WNT8A: variants seen among roughly 807,000 people sequenced by gnomAD.
The protein encoded by WNT8A is protein Wnt-8a.
Under a neutral mutation model 20.5 loss-of-function variants are expected in WNT8A, and 14 were observed. That is an observed-to-expected ratio of 0.68 (90% CI 0.45 to 1.07). The LOEUF (loss-of-function observed/expected upper bound fraction) is 1.07. Ranked by LOEUF, WNT8A falls within the 50% of genes least tolerant of loss-of-function variation. WNT8A has a pLI of 0.00. For synonymous variants in WNT8A, 167 were observed against 169.2 expected, an observed-to-expected ratio of 0.99 and a Z score of 0.10; for missense variants, 397 against 462.9, an observed-to-expected ratio of 0.86 and a Z score of 1.31.
At chr5:138,088,517 C>T (rs913872400) in intron 3 of WNT8A, among the ~76,000 whole-genome samples, 2 of 152,160 alleles carry the variant, frequency 1.3e-5, no homozygotes, top group African/African-American at 2.4e-5. Context: ...CCACCACACT[C>T]GGCTAATTTT....
At chr5:138,077,476 T>C in the WNT8A span, among the ~76,000 whole-genome samples, 1 of 152,194 alleles carries the variant, frequency 6.6e-6, no homozygotes, top group African/African-American at 2.4e-5. Context: ...CTCATAAGTA[T>C]TGAGTATTGG....
the WNT8A span, among the ~76,000 whole-genome samples, chr5:138,078,594 C>G: frequency 6.6e-6 from 1 of 152,160 alleles, no homozygotes; most frequent in Non-Finnish European, 1.5e-5. Context: ...TCCTGGTTTG[C>G]TCAAAACCCT....
intron 2 of WNT8A, among the ~76,000 whole-genome samples, chr5:138,085,644 T>C (rs1223729705): frequency 6.6e-6 from 1 of 151,506 alleles, no homozygotes; most frequent in Non-Finnish European, 1.5e-5. Flanking sequence ...AGTTCAGGAG[T>C]TCGAGACCAG....
intron 2 of WNT8A, among the ~76,000 whole-genome samples, chr5:138,086,162 C>A (rs1037832643): frequency 6.6e-6 from 1 of 152,106 alleles, no homozygotes; most frequent in Non-Finnish European, 1.5e-5. Context: ...GGCAAGGTCC[C>A]GATCCCAACA....
upstream of WNT8A, among the ~76,000 whole-genome samples, chr5:138,079,978 T>C (rs954459981): frequency 6.6e-6 from 1 of 152,180 alleles, no homozygotes; most frequent in Non-Finnish European, 1.5e-5. Flanking sequence ...ATCCTCCAGG[T>C]ATCCATCTTA....
chr5:138,078,281 A>G, the WNT8A span, among the ~76,000 whole-genome samples: 1 of 152,244 alleles, frequency 6.6e-6, no homozygotes, highest in South Asian at 2.1e-4. Context: ...AAGAATATGC[A>G]TGGAGGCTCA....
At chr5:138,084,765 C>A (rs1744504845) in intron 2 of WNT8A, 129 bp downstream of exon 2, 4 of 1,257,620 alleles carry the variant, frequency 3.2e-6, no homozygotes, top group Non-Finnish European at 4.2e-6. Flanking sequence ...TGCTGACCTG[C>A]CATTTCCTTG....
At chr5:138,085,384 A>G (rs1054579593) in intron 2 of WNT8A, among the ~76,000 whole-genome samples, 5 of 152,128 alleles carry the variant, frequency 3.3e-5, no homozygotes, top group Admixed American at 3.3e-4. Context: ...ATAAAATCTC[A>G]ACAGAAAAGC....
chr5:138,088,343 T>C (rs1008685445), intron 3 of WNT8A, among the ~76,000 whole-genome samples: 26 of 151,518 alleles, frequency 1.7e-4, no homozygotes, highest in Non-Finnish European at 2.6e-4. Flanking sequence ...TCCAGAATGT[T>C]TGAGCTGCAG....
upstream of WNT8A, among the ~76,000 whole-genome samples, chr5:138,081,462 G>T (rs930415343): frequency 2.0e-5 from 3 of 152,008 alleles, no homozygotes; most frequent in African/African-American, 7.3e-5. Context: ...AGGTGGCAGG[G>T]GACTTCCTCG....
chr5:138,092,198 C>T (rs1273090035), downstream of WNT8A: 1 of 152,212 alleles, frequency 6.6e-6, no homozygotes, highest in Non-Finnish European at 1.5e-5. Flanking sequence ...ATAAGAAACC[C>T]TTCTTCTGTA....
rs941169420 is a variant in WNT8A at position 138,084,197 on chromosome 5, C to A, written c.70C>A (p.Pro24Thr). 1 of 1,614,170 alleles carries A rather than the reference C, an allele frequency of 6.2e-7. No homozygotes were observed. The highest frequency in any genetic ancestry group is 2.2e-5 in the East Asian group (1 of 44,882). Residue 24 changes from proline to threonine, a missense_variant, in exon 1 of 5, where the codon CCC (proline) becomes ACC (threonine). By Grantham distance (38) the Pro-to-Thr change is conservative. Transcript: ENST00000506684. ...AACCCTCACTCCTTGCCAAGGAGGCCCCCATTGTCTCATCCCCATTCACCT... is the reference window on the plus strand; with the variant it reads ...AACCCTCACTCCTTGCCAAGGAGGCACCCATTGTCTCATCCCCATTCACCT... Reference protein sequence around the residue: ...FPTLTPCQGGPHCLIPIHLCL... With the variant: ...FPTLTPCQGGTHCLIPIHLCL...
At chr5:138,090,009 T>C (rs1252285251) in intron 4 of WNT8A, among the ~76,000 whole-genome samples, 1 of 152,140 alleles carries the variant, frequency 6.6e-6, no homozygotes, top group Non-Finnish European at 1.5e-5. Flanking sequence ...TTCATTGCCT[T>C]GGGGGTATAA....
chr5:138,084,305 GTT>G, intron 1 of WNT8A, 22 bp downstream of exon 1: 1 of 1,613,270 alleles, frequency 6.2e-7, no homozygotes, highest in Non-Finnish European at 8.5e-7. Context: ...TCCAGCTTCT[GTT>G]TTTACCCACT....
At chr5:138,084,933 TC>T (rs1176983801) in intron 2 of WNT8A, among the ~76,000 whole-genome samples, 3 of 152,070 alleles carry the variant, frequency 2.0e-5, no homozygotes, top group African/African-American at 7.2e-5. Flanking sequence ...AGGAAATTAC[TC>T]TTTTTTTTTT....
In WNT8A at chr5:138,084,079, T is replaced by G. The variant is rs1450437654; in HGVS notation, c.-49T>G. 2 of 1,610,454 alleles carry G rather than the reference T, an allele frequency of 1.2e-6. No individual in the cohort carries two copies. The highest frequency in any genetic ancestry group is 1.7e-6 in the Non-Finnish European group (2 of 1,177,470). ...CTGAGCTGGACCTGGTCCACTGGGG[T>G]AGGCAGGGCGATGGGGAACCTGTTT... is the stretch of plus-strand genomic sequence containing the variant. On this transcript the variant is annotated 5_prime_UTR_variant, in exon 1 of 5. Transcript: ENST00000506684.
At chr5:138,088,718 A>G (rs1397243306) in intron 3 of WNT8A, among the ~76,000 whole-genome samples, 1 of 152,146 alleles carries the variant, frequency 6.6e-6, no homozygotes, top group Non-Finnish European at 1.5e-5. Context: ...TACTGTGGGT[A>G]TAGAAGACTA....
At chr5:138,085,013 C>T (rs537306359) in intron 2 of WNT8A, among the ~76,000 whole-genome samples, 2 of 152,074 alleles carry the variant, frequency 1.3e-5, no homozygotes, top group African/African-American at 2.4e-5. Context: ...CTCGGCTTAC[C>T]GCAACTTCCG....
chr5:138,089,129 A>G, intron 4 of WNT8A, 60 bp downstream of exon 4: 2 of 1,575,772 alleles, frequency 1.3e-6, no homozygotes, highest in Middle Eastern at 2.1e-4. Flanking sequence ...GCCCTTCACA[A>G]TTTACCAAGA....
Sources: allele counts gnomAD v4.1 joint callset (sites outside exome capture counted in the v4.1 genomes callset), GRCh38; gene constraint gnomAD v4.1.1; transcripts MANE v1.5; gene names NCBI Gene and HGNC (gene_info 2026-07-23, HGNC 2026-07-21).